The following UBE2E2 variants were observed in gnomAD, a reference collection of about 807,000 sequenced individuals.
UBE2E2 encodes ubiquitin-conjugating enzyme E2 E2.
In UBE2E2, 6 loss-of-function variants were observed where a neutral mutation model predicts 24.7. The ratio of observed to expected loss-of-function variants is 0.24; its 90% CI spans 0.13 to 0.48. The LOEUF is 0.48. Ranked by LOEUF, UBE2E2 falls within the 20% of genes least tolerant of loss-of-function variation. The pLI is 0.99. For missense variants in UBE2E2, 169 were observed against 245.0 expected, an observed-to-expected ratio of 0.69 and a Z score of 2.07; for synonymous variants, 104 against 83.6, an observed-to-expected ratio of 1.24 and a Z score of -1.33.
intron 3 of UBE2E2, among the ~76,000 whole-genome samples, chr3:23,415,671 T>C (rs1197126725): frequency 6.6e-6 from 1 of 152,210 alleles, no homozygotes; most frequent in South Asian, 2.1e-4. Flanking sequence ...TTATAATGGT[T>C]TGGAATTTGC....
intron 3 of UBE2E2, among the ~76,000 whole-genome samples, chr3:23,355,625 T>G (rs1188362234): frequency 6.6e-6 from 1 of 152,224 alleles, no homozygotes; most frequent in Non-Finnish European, 1.5e-5. Context: ...TTTTTTTGTT[T>G]GTTTGTTTCA....
chr3:23,470,670 A>G (rs1214663066), intron 3 of UBE2E2, among the ~76,000 whole-genome samples: 1 of 152,230 alleles, frequency 6.6e-6, no homozygotes, highest in Non-Finnish European at 1.5e-5. Flanking sequence ...ATTTGATGCC[A>G]CAGTTGATCT....
At chr3:23,562,132 T>G (rs1356084820) in intron 5 of UBE2E2, among the ~76,000 whole-genome samples, 3 of 152,126 alleles carry the variant, frequency 2.0e-5, no homozygotes, top group Non-Finnish European at 4.4e-5. Flanking sequence ...GGAGAGGGCA[T>G]CCCTGTCTTG....
At chr3:23,415,234 C>T (rs1005856174) in intron 3 of UBE2E2, among the ~76,000 whole-genome samples, 3 of 152,212 alleles carry the variant, frequency 2.0e-5, no homozygotes, top group Admixed American at 1.3e-4. Context: ...ACACTGGATT[C>T]CTCTGGAGTT....
chr3:23,559,002 G>A (rs983919827), intron 5 of UBE2E2, among the ~76,000 whole-genome samples: 7 of 152,066 alleles, frequency 4.6e-5, no homozygotes, highest in South Asian at 4.1e-4. Context: ...TTCTAATGAG[G>A]TTAGTCAAAT....
intron 3 of UBE2E2, among the ~76,000 whole-genome samples, chr3:23,251,567 A>AT (rs1289808311): frequency 6.6e-6 from 1 of 152,194 alleles, no homozygotes; most frequent in South Asian, 2.1e-4. Context: ...TGTACCTACT[A>AT]TGTTTGTTTT....
intron 3 of UBE2E2, among the ~76,000 whole-genome samples, chr3:23,332,815 C>T (rs972906346): frequency 6.6e-6 from 1 of 151,792 alleles, no homozygotes; most frequent in Non-Finnish European, 1.5e-5. Context: ...TTCTAGATGC[C>T]AACCAAATGT....
At chr3:23,359,773 C>T (rs1014458734) in intron 3 of UBE2E2, among the ~76,000 whole-genome samples, 1 of 151,958 alleles carries the variant, frequency 6.6e-6, no homozygotes, top group African/African-American at 2.4e-5. Context: ...CTTGAGGACA[C>T]CTTGAAAATT....
At chr3:23,338,543 G>C (rs1342017914) in intron 3 of UBE2E2, among the ~76,000 whole-genome samples, 2 of 152,144 alleles carry the variant, frequency 1.3e-5, no homozygotes, top group South Asian at 4.1e-4. Context: ...CAGATCTTGG[G>C]TTTAAGTGCC....
chr3:23,537,531 C>A (rs187411497), intron 5 of UBE2E2, among the ~76,000 whole-genome samples: 8 of 152,282 alleles, frequency 5.3e-5, no homozygotes, highest in African/African-American at 1.9e-4. Flanking sequence ...GCTGCAGTTT[C>A]ATTGGTAAAA....
chr3:23,569,515 T>A (rs1413154380), intron 5 of UBE2E2, among the ~76,000 whole-genome samples: 2 of 152,224 alleles, frequency 1.3e-5, no homozygotes, highest in African/African-American at 4.8e-5. Flanking sequence ...TTTAAAAACC[T>A]AGCTTCCAAT....
chr3:23,267,953 AC>A (rs1160359636), intron 3 of UBE2E2, among the ~76,000 whole-genome samples: 4 of 151,884 alleles, frequency 2.6e-5, no homozygotes, highest in Admixed American at 1.3e-4. Context: ...AAAGACAAAA[AC>A]CACATGATTA....
chr3:23,330,055 A>G (rs374150135), intron 3 of UBE2E2, among the ~76,000 whole-genome samples: 14 of 152,356 alleles, frequency 9.2e-5, no homozygotes, highest in South Asian at 2.1e-4. Context: ...TACCCCATAC[A>G]TTTTAGTACA....
intron 3 of UBE2E2, among the ~76,000 whole-genome samples, chr3:23,341,509 A>G (rs1695386960): frequency 6.6e-6 from 1 of 152,188 alleles, no homozygotes; most frequent in Non-Finnish European, 1.5e-5. Context: ...TAGAATCTTC[A>G]AGACCACAAG....
At chr3:23,279,043 C>G (rs938883150) in intron 3 of UBE2E2, among the ~76,000 whole-genome samples, 12 of 151,902 alleles carry the variant, frequency 7.9e-5, no homozygotes, top group African/African-American at 2.7e-4. Context: ...CTTGAGTCAT[C>G]GTGTAATGTT....
intron 5 of UBE2E2, 137 bp downstream of exon 5, chr3:23,532,838 T>A: frequency 3.6e-6 from 3 of 842,108 alleles, no homozygotes; most frequent in Admixed American, 3.6e-5. Flanking sequence ...TCATAGTATG[T>A]AACTATTTTC....
chr3:23,413,746 A>G (rs1220626612), intron 3 of UBE2E2, among the ~76,000 whole-genome samples: 4 of 152,100 alleles, frequency 2.6e-5, no homozygotes, highest in African/African-American at 9.7e-5. Context: ...TTTGTTCTCT[A>G]GGCCCTAATA....
chr3:23,491,301 A>G lies in UBE2E2; in HGVS notation c.228-8307A>G, dbSNP rs114668612. ...TCTGGGGCATAGGGAATGCCTTTTC[A>G]CTGTCAGTATAGAGTTCTTTTTTTC... On this transcript the variant is annotated intron_variant, in intron 3 of 5. Coordinates refer to ENST00000396703, the MANE Select transcript of UBE2E2 (RefSeq NM_152653.4). 8.4e-4 allele frequency among the ~76,000 whole-genome samples: 128 copies of G among 152,260 alleles called. 2 individuals are homozygous for G. The highest frequency in any genetic ancestry group is 2.9e-3 in the African/African-American group (122 of 41,536).
At chr3:23,350,753 C>T (rs377672529) in intron 3 of UBE2E2, among the ~76,000 whole-genome samples, 3 of 152,306 alleles carry the variant, frequency 2.0e-5, no homozygotes, top group Non-Finnish European at 2.9e-5. Context: ...ACCAAATCTA[C>T]GTCTGATTGG....
Sources: gnomAD v4.1 joint callset for allele counts (sites outside exome capture counted in the v4.1 genomes callset) on GRCh38, gnomAD v4.1.1 for gene constraint, MANE v1.5 for transcripts, NCBI Gene and HGNC (gene_info 2026-07-23, HGNC 2026-07-21) for gene names.